EPHA3: variants seen among roughly 807,000 people sequenced by gnomAD.
EPHA3 encodes the protein EPH receptor A3.
A neutral mutation model predicts 107.1 loss-of-function variants in EPHA3; 42 were observed. That is an observed-to-expected ratio of 0.39 (90% CI 0.31 to 0.51). The LOEUF is 0.51. Ranked by LOEUF, EPHA3 falls within the 20% of genes least tolerant of loss-of-function variation. The pLI, the probability that EPHA3 is intolerant of heterozygous loss-of-function variation, is 0.78. For synonymous variants in EPHA3, 461 were observed against 424.8 expected (o/e 1.09, Z -1.05); for missense variants, 1,183 against 1,211.2 (o/e 0.98, Z 0.35).
At chr3:89,403,763 C>T (rs1201772419) in intron 7 of EPHA3, among the ~76,000 whole-genome samples, 2 of 152,090 alleles carry the variant, frequency 1.3e-5, no homozygotes, top group African/African-American at 4.8e-5. Flanking sequence ...GTGAACTTGA[C>T]AAGTCATTTC....
At chr3:89,335,733 A>G (rs920693335) in intron 3 of EPHA3, among the ~76,000 whole-genome samples, 2 of 152,216 alleles carry the variant, frequency 1.3e-5, no homozygotes, top group African/African-American at 2.4e-5. Flanking sequence ...GGGAGAAAGC[A>G]TCTCTGGAGC....
intron 3 of EPHA3, among the ~76,000 whole-genome samples, chr3:89,334,020 TTTGA>T: frequency 6.6e-6 from 1 of 152,336 alleles, no homozygotes; most frequent in African/African-American, 2.4e-5. Context: ...TAGAAATAAT[TTTGA>T]TTGATGTTAT....
intron 3 of EPHA3, among the ~76,000 whole-genome samples, chr3:89,255,116 G>T (rs1705251254): frequency 1.3e-5 from 2 of 152,012 alleles, no homozygotes; most frequent in African/African-American, 4.8e-5. Context: ...TTACTTAAAA[G>T]AACTTTTATA....
chr3:89,174,038 A>G (rs1705264717), intron 2 of EPHA3, among the ~76,000 whole-genome samples: 1 of 152,016 alleles, frequency 6.6e-6, no homozygotes, highest in Admixed American at 6.6e-5. Flanking sequence ...GCAAGGAAAA[A>G]TTACTCGGCT....
At chr3:89,419,452 A>G (rs1473034438) in intron 11 of EPHA3, 62 bp downstream of exon 11, 3 of 1,415,788 alleles carry the variant, frequency 2.1e-6, no homozygotes, top group South Asian at 1.6e-5. Context: ...TTTAAACCCA[A>G]CCCCAACCAT....
At chr3:89,132,757 G>GCCA (rs1472105652) in intron 2 of EPHA3, among the ~76,000 whole-genome samples, 2 of 152,144 alleles carry the variant, frequency 1.3e-5, no homozygotes, top group African/African-American at 4.8e-5. Flanking sequence ...TGGAGTGGTG[G>GCCA]CCTTCACCTG....
chr3:89,123,223 C>T (rs1707428877), intron 1 of EPHA3, among the ~76,000 whole-genome samples: 1 of 152,200 alleles, frequency 6.6e-6, no homozygotes, highest in Non-Finnish European at 1.5e-5. Flanking sequence ...CGGCTCACTG[C>T]AACCTGCGCC....
At chr3:89,281,725 G>A (rs1705952840) in intron 3 of EPHA3, among the ~76,000 whole-genome samples, 1 of 152,120 alleles carries the variant, frequency 6.6e-6, no homozygotes, top group Non-Finnish European at 1.5e-5. Flanking sequence ...GAGAAATTTA[G>A]AACATATTTA....
chr3:89,358,557 G>T (rs952252461), intron 5 of EPHA3, among the ~76,000 whole-genome samples: 1 of 150,998 alleles, frequency 6.6e-6, no homozygotes, highest in African/African-American at 2.4e-5. Context: ...AAGGTTTCAT[G>T]AATACAGCAT....
intron 3 of EPHA3, among the ~76,000 whole-genome samples, chr3:89,254,156 AC>A (rs1358140528): frequency 2.0e-5 from 3 of 152,034 alleles, no homozygotes; most frequent in Non-Finnish European, 4.4e-5. Context: ...TCATATTTAG[AC>A]TCTTATACTT....
At chr3:89,329,145 A>C (rs920586237) in intron 3 of EPHA3, among the ~76,000 whole-genome samples, 3 of 152,156 alleles carry the variant, frequency 2.0e-5, no homozygotes, top group African/African-American at 7.2e-5. Flanking sequence ...TGGAATATGT[A>C]ATTATCTCTA....
At position 89,210,515 on chromosome 3, in the gene EPHA3, G is replaced by C; in HGVS notation, c.809G>C (p.Cys270Ser). Residue 270 changes from cysteine (C) to serine (S), a missense_variant, in exon 3 of 17, where the codon TGC (cysteine) becomes TCC (serine). By Grantham distance (112) the Cys-to-Ser change is moderately radical. Transcript: ENST00000336596. ...NAGYEERGFM[C>S]QACRPGFYKA... ...GGCTATGAAGAAAGAGGTTTTATGT[G>C]CCAAGGTAAGAGCCTTCTCTATTTT... 1 of 1,541,386 alleles carries C rather than the reference G, an allele frequency of 6.5e-7. No homozygotes were observed. The highest frequency in any genetic ancestry group is 8.7e-7 in the Non-Finnish European group (1 of 1,148,716).
intron 5 of EPHA3, among the ~76,000 whole-genome samples, chr3:89,366,157 G>A (rs1708180231): frequency 6.7e-6 from 1 of 150,346 alleles, no homozygotes; most frequent in Admixed American, 6.7e-5. Context: ...TCTGTGTCAT[G>A]CATTTGGGAA....
At chr3:89,477,805 G>A (rs1710547594) in intron 16 of EPHA3, among the ~76,000 whole-genome samples, 1 of 151,386 alleles carries the variant, frequency 6.6e-6, no homozygotes, top group South Asian at 2.1e-4. Context: ...CATTGTTTAG[G>A]TTGCTGTTGG....
At chr3:89,430,890 C>T (rs1166002813) in intron 12 of EPHA3, among the ~76,000 whole-genome samples, 2 of 151,946 alleles carry the variant, frequency 1.3e-5, no homozygotes, top group Non-Finnish European at 2.9e-5. Flanking sequence ...CACATAAGGA[C>T]CAGGAAAGTC....
At chr3:89,181,920 G>T (rs1290608348) in intron 2 of EPHA3, among the ~76,000 whole-genome samples, 3 of 151,842 alleles carry the variant, frequency 2.0e-5, no homozygotes, top group African/African-American at 7.2e-5. Context: ...TTTAAGGGTC[G>T]CTGGGAAGGT....
intron 3 of EPHA3, among the ~76,000 whole-genome samples, chr3:89,339,877 G>A (rs1239007331): frequency 6.6e-6 from 1 of 152,108 alleles, no homozygotes; most frequent in Non-Finnish European, 1.5e-5. Flanking sequence ...TTGAGCTTTA[G>A]AAGTTTTAGA....
At chr3:89,381,247 C>T (rs1436823621) in intron 5 of EPHA3, among the ~76,000 whole-genome samples, 2 of 151,224 alleles carry the variant, frequency 1.3e-5, no homozygotes, top group African/African-American at 4.8e-5. Context: ...GCTGGGATTA[C>T]AGGCCTGAGC....
At chr3:89,125,825 CA>C (rs2106970912) in intron 1 of EPHA3, among the ~76,000 whole-genome samples, 1 of 151,648 alleles carries the variant, frequency 6.6e-6, no homozygotes, top group East Asian at 1.9e-4. Flanking sequence ...ACCAGATAAT[CA>C]AAATTTTAGT....
Sources: allele counts gnomAD v4.1 joint callset (sites outside exome capture counted in the v4.1 genomes callset), GRCh38; gene constraint gnomAD v4.1.1; transcripts MANE v1.5; gene names NCBI Gene and HGNC (gene_info 2026-07-23, HGNC 2026-07-21).